The following SUCLA2 variants were observed in gnomAD, a reference collection of about 807,000 sequenced individuals.
SUCLA2 encodes succinate--CoA ligase [ADP-forming] subunit beta, mitochondrial.
Under a neutral mutation model 54.8 loss-of-function variants are expected in SUCLA2, and 30 were observed. The ratio of observed to expected loss-of-function variants is 0.55; its 90% CI spans 0.41 to 0.74. SUCLA2 has a LOEUF of 0.74. Among genes scored for constraint, SUCLA2 ranks in the 30% least tolerant of loss-of-function variants. The pLI, the probability that SUCLA2 is intolerant of heterozygous loss-of-function variation, is 0.00. For synonymous variants in SUCLA2, 172 were observed against 188.9 expected, an observed-to-expected ratio of 0.91 and a Z score of 0.74; for missense variants, 476 against 562.9, an observed-to-expected ratio of 0.85 and a Z score of 1.56.
chr13:47,982,284 G>C (rs992345151), intron 4 of SUCLA2, among the ~76,000 whole-genome samples: 1 of 152,120 alleles, frequency 6.6e-6, no homozygotes, highest in Non-Finnish European at 1.5e-5. Flanking sequence ...AGGAAACTTT[G>C]TCATATGCTA....
In SUCLA2 at chr13:47,996,941, T is replaced by C; in HGVS notation, c.173A>G (p.Tyr58Cys). 6.2e-7 allele frequency: 1 copy of C among 1,614,126 alleles called. No individual in the cohort carries two copies. Among genetic ancestry groups the C allele is most frequent in the South Asian group, 1.1e-5 (1 of 91,088 alleles). The part of the protein sequence containing the change: ...QQQRNLSLHE[Y>C]MSMELLQEAG... The stretch of plus-strand genomic sequence containing the variant: ...TTCTTGCAATAATTCCATACTCATG[T>C]ATTCATGTAGTGAGAGATTCCTTTG... Residue 58 changes from tyrosine to cysteine, a missense_variant, in exon 2 of 11, where the codon TAC (tyrosine) becomes TGC (cysteine). Around this residue, in one of 2 missense-constraint regions of SUCLA2, gnomAD observed 134 missense variants for 118.7 expected, o/e 1.13. Transcript: ENST00000646932.
At chr13:47,973,736 T>C (rs1057374875) in intron 4 of SUCLA2, among the ~76,000 whole-genome samples, 31 of 152,188 alleles carry the variant, frequency 2.0e-4, no homozygotes, top group African/African-American at 7.2e-4. Flanking sequence ...GCGGCACATA[T>C]ACCATGGAAT....
chr13:47,972,394 C>A (rs1053919935), intron 5 of SUCLA2, among the ~76,000 whole-genome samples: 6 of 152,030 alleles, frequency 3.9e-5, no homozygotes, highest in African/African-American at 1.4e-4. Flanking sequence ...GTTGGCTGGG[C>A]GCGCTGGCTC....
chr13:47,949,366 T>G (rs1949758985), intron 9 of SUCLA2, 117 bp downstream of exon 9: 3 of 1,211,642 alleles, frequency 2.5e-6, no homozygotes, highest in Admixed American at 3.6e-5. Flanking sequence ...AATTTCATAT[T>G]GTATAATGCT....
intron 6 of SUCLA2, among the ~76,000 whole-genome samples, chr13:47,957,598 T>C (rs1197613694): frequency 2.0e-5 from 3 of 152,232 alleles, no homozygotes; most frequent in Non-Finnish European, 4.4e-5. Context: ...CTTATGGGCC[T>C]AGACATAAGG....
chr13:47,960,908 G>A (rs1434353316), intron 6 of SUCLA2, among the ~76,000 whole-genome samples: 2 of 152,162 alleles, frequency 1.3e-5, no homozygotes, highest in Non-Finnish European at 2.9e-5. Flanking sequence ...CACTGCGGAA[G>A]AGGTAGCCAT....
chr13:47,970,822 T>C (rs546307137), intron 5 of SUCLA2, among the ~76,000 whole-genome samples: 1 of 152,196 alleles, frequency 6.6e-6, no homozygotes, highest in East Asian at 1.9e-4. Context: ...ATCATGCCAC[T>C]GCACTCCAGT....
chr13:48,000,810 G>T, intron 1 of SUCLA2: 1 of 1,069,880 alleles, frequency 9.3e-7, no homozygotes, highest in Non-Finnish European at 1.2e-6. Flanking sequence ...ATTCCCCCCT[G>T]CCCAAAAAGG....
In SUCLA2 at chr13:47,989,287, T is replaced by C. The variant is rs1374905472; in HGVS notation, c.272-306A>G. ...GTGCAGTGGCGCGATCTCGGCTCAC[T>C]GTAAGCTCCGCCTCCCAGGTTCACG... is the stretch of plus-strand genomic sequence containing the variant. On this transcript the variant is annotated intron_variant, in intron 2 of 10. Coordinates refer to ENST00000646932, the MANE Select transcript of SUCLA2 (RefSeq NM_003850.3). 4.0e-5 allele frequency among the ~76,000 whole-genome samples: 6 copies of C among 151,442 alleles called. 1 individual carries two copies. The South Asian group carries it at 1.0e-3, about 26-fold the overall frequency.
intron 6 of SUCLA2, among the ~76,000 whole-genome samples, chr13:47,961,284 G>T (rs571668403): frequency 2.6e-5 from 4 of 151,484 alleles, no homozygotes; most frequent in Admixed American, 2.0e-4. Context: ...AAAATGGAGT[G>T]GGGGGGGCCA....
At position 47,954,565 on chromosome 13, in the gene SUCLA2, G is replaced by A. The variant is rs1487935062; in HGVS notation, c.803-8C>T. The A allele has an allele frequency of 2.5e-6, 4 of 1,612,400 alleles. No individual in the cohort carries two copies. The East Asian group carries it at 6.7e-5, about 27-fold the overall frequency. On this transcript the variant is annotated splice_polypyrimidine_tract_variant and splice_region_variant and intron_variant, in intron 6 of 10. Coordinates refer to ENST00000646932, the MANE Select transcript of SUCLA2 (RefSeq NM_003850.3). Reference sequence around the variant, plus strand: ...TTGCATCCATACACAATACTTTGAAGGGAAAAAGAGAAAAATGACCTTAAT... The same window carrying A: ...TTGCATCCATACACAATACTTTGAAAGGAAAAAGAGAAAAATGACCTTAAT...
chr13:47,991,468 T>C (rs1287142387), intron 2 of SUCLA2: 1 of 152,246 alleles, frequency 6.6e-6, no homozygotes, highest in Admixed American at 6.5e-5. Context: ...AAGCTTACCC[T>C]ACTAACCTGC....
At chr13:47,981,684 T>C (rs1330108106) in intron 4 of SUCLA2, among the ~76,000 whole-genome samples, 1 of 152,142 alleles carries the variant, frequency 6.6e-6, no homozygotes, top group Admixed American at 6.5e-5. Flanking sequence ...GGCATGGTGG[T>C]GCACGCCTGT....
At chr13:47,957,830 T>C (rs1249403380) in intron 6 of SUCLA2, among the ~76,000 whole-genome samples, 2 of 152,124 alleles carry the variant, frequency 1.3e-5, no homozygotes. Context: ...GGAATTTTTG[T>C]TTGCAGTTGA....
chr13:47,953,321 T>C (rs932670895), intron 8 of SUCLA2, among the ~76,000 whole-genome samples: 1 of 152,190 alleles, frequency 6.6e-6, no homozygotes, highest in East Asian at 1.9e-4. Flanking sequence ...TAGTAGTAAG[T>C]ACTCAACAGT....
At chr13:47,963,741 T>C (rs1281399666) in intron 6 of SUCLA2, among the ~76,000 whole-genome samples, 1 of 152,216 alleles carries the variant, frequency 6.6e-6, no homozygotes, top group Non-Finnish European at 1.5e-5. Context: ...CACATACTTC[T>C]TGGTTCTGTT....
chr13:47,946,380 C>G (rs529808614), intron 10 of SUCLA2, among the ~76,000 whole-genome samples: 1 of 151,804 alleles, frequency 6.6e-6, no homozygotes, highest in Non-Finnish European at 1.5e-5. Flanking sequence ...TATATACATA[C>G]AATTAGCTTA....
In SUCLA2 at chr13:47,943,173, C is replaced by T; in HGVS notation, c.*198G>A. 1.7e-6 allele frequency: 1 copy of T among 598,342 alleles called. No homozygotes were observed. Among genetic ancestry groups the T allele is most frequent in the South Asian group, 2.0e-5 (1 of 50,044 alleles). The allele number at this position is 598,342 out of a possible 1,614,324, so 37.1% of individuals were successfully genotyped here. A position where few individuals can be genotyped will look rare whatever the true frequency, so the allele number is the denominator to read the frequency against. Reference sequence around the variant, plus strand: ...TGCGACAAAAGAAAGAAGATAACTGCATTATACATGCTTCGTACAAACAGT... The same window carrying T: ...TGCGACAAAAGAAAGAAGATAACTGTATTATACATGCTTCGTACAAACAGT... On this transcript the variant is annotated 3_prime_UTR_variant, in exon 11 of 11. Coordinates refer to ENST00000646932, the MANE Select transcript of SUCLA2 (RefSeq NM_003850.3).
At chr13:47,944,080 C>T (rs895617016) in intron 10 of SUCLA2, among the ~76,000 whole-genome samples, 2 of 152,094 alleles carry the variant, frequency 1.3e-5, no homozygotes, top group Admixed American at 1.3e-4. Flanking sequence ...CAGCTTCTCT[C>T]TTCCTCAGTA....
Sources: gnomAD v4.1 joint callset for allele counts (sites outside exome capture counted in the v4.1 genomes callset) on GRCh38, gnomAD v4.1.1 for gene constraint, gnomAD v4.1.1 regional missense constraint, MANE v1.5 for transcripts, NCBI Gene and HGNC (gene_info 2026-07-23, HGNC 2026-07-21) for gene names.